The following USP54 variants were observed in gnomAD, a reference collection of about 807,000 sequenced individuals.
The protein encoded by USP54 is ubiquitin specific peptidase 54.
Under a neutral mutation model 170.5 loss-of-function variants are expected in USP54, and 87 were observed. The ratio of observed to expected loss-of-function variants is 0.51; its 90% CI spans 0.43 to 0.61. The LOEUF is 0.61. Ranked by LOEUF, USP54 falls within the 20% of genes least tolerant of loss-of-function variation. The pLI is 0.00. For missense variants in USP54, 1,786 were observed against 2,047.8 expected, an observed-to-expected ratio of 0.87 and a Z score of 2.47; for synonymous variants, 655 against 742.8, an observed-to-expected ratio of 0.88 and a Z score of 1.92.
chr10:73,563,409 A>G lies in USP54; in HGVS notation c.240+8012T>C, dbSNP rs976437643. On this transcript the variant is annotated intron_variant, in intron 4 of 23. Transcript: ENST00000687698. ...GAAAGGCCTGTTTGTAGCTTTGTCC[A>G]TTTTTCTCTTGACTCATTTATCTTT... 7.9e-5 allele frequency among the ~76,000 whole-genome samples: 12 copies of G among 151,850 alleles called. No individual in the cohort carries two copies. In the South Asian group the frequency reaches 1.7e-3, roughly 21 times the overall value.
At chr10:73,587,957 A>G (rs1405947618) in intron 1 of USP54, among the ~76,000 whole-genome samples, 1 of 152,202 alleles carries the variant, frequency 6.6e-6, no homozygotes, top group South Asian at 2.1e-4. Flanking sequence ...AAAATAATGT[A>G]CGCAGAATAC....
At chr10:73,573,754 G>C (rs1479730689) in intron 3 of USP54, among the ~76,000 whole-genome samples, 1 of 152,162 alleles carries the variant, frequency 6.6e-6, no homozygotes, top group Non-Finnish European at 1.5e-5. Flanking sequence ...GACAGAGTGA[G>C]ACTCTGTCTG....
intron 1 of USP54, among the ~76,000 whole-genome samples, chr10:73,579,450 A>T (rs1168067394): frequency 6.6e-6 from 1 of 152,186 alleles, no homozygotes. Context: ...CTCAAAACTT[A>T]ATAAGAAAAA....
At chr10:73,583,740 C>T (rs1383943802) in intron 1 of USP54, among the ~76,000 whole-genome samples, 1 of 150,986 alleles carries the variant, frequency 6.6e-6, no homozygotes, top group African/African-American at 2.4e-5. Context: ...CAAAGCAAGA[C>T]CCTGTCTTTA....
chr10:73,537,276 T>G (rs2065425536), intron 10 of USP54, among the ~76,000 whole-genome samples: 1 of 152,186 alleles, frequency 6.6e-6, no homozygotes, highest in Non-Finnish European at 1.5e-5. Context: ...ATAAAAACCC[T>G]AAATCTAAAA....
At chr10:73,523,417 T>C (rs1301666883) in intron 17 of USP54, among the ~76,000 whole-genome samples, 166 bp downstream of exon 17, 2 of 152,216 alleles carry the variant, frequency 1.3e-5, no homozygotes, top group Non-Finnish European at 2.9e-5. Context: ...CTCCAGTCAA[T>C]AGTCTTGTCA....
chr10:73,530,551 T>C (rs762775770), intron 13 of USP54, 28 bp from the exon 14 acceptor site: 43 of 1,590,146 alleles, frequency 2.7e-5, no homozygotes, highest in Admixed American at 3.6e-5. Flanking sequence ...GAAAGAAATA[T>C]AGATGTTTAA....
upstream of USP54, among the ~76,000 whole-genome samples, chr10:73,592,838 C>G (rs1350507969): frequency 6.6e-6 from 1 of 152,208 alleles, no homozygotes; most frequent in African/African-American, 2.4e-5. Context: ...AGATTGTAAT[C>G]TCTCCAGAGG....
At chr10:73,549,106 C>G (rs1223296022) in intron 4 of USP54, among the ~76,000 whole-genome samples, 1 of 152,140 alleles carries the variant, frequency 6.6e-6, no homozygotes, top group Non-Finnish European at 1.5e-5. Flanking sequence ...CCAGGGCACC[C>G]CTTCAGGTTT....
At position 73,543,077 on chromosome 10, in the gene USP54, T is replaced by C. The variant is rs543967392; in HGVS notation, c.430A>G (p.Ile144Val). ...FHIADETKED[I>V]CTAQHCISHQ... ...GAAATGCAGTGTTGGGCAGTACATA[T>C]ATCCTCTTTGGTTTCATCAGCAATG... The change falls in exon 6 of 24, where the codon ATA becomes GTA. Residue 144 changes from isoleucine to valine, a missense_variant. Coordinates refer to ENST00000687698, the MANE Select transcript of USP54 (RefSeq NM_001391956.1). The C allele has an allele frequency of 1.9e-6, 3 of 1,614,188 alleles. No individual in the cohort carries two copies. The highest frequency in any genetic ancestry group is 3.3e-5 in the Admixed American group (2 of 60,026).
intron 16 of USP54, 22 bp from the exon 17 acceptor site, chr10:73,523,772 A>G (rs1408524424): frequency 1.3e-6 from 2 of 1,593,560 alleles, no homozygotes; most frequent in Non-Finnish European, 1.7e-6. Flanking sequence ...GCAAGGGAGA[A>G]GTCACCACAT....
Position 73,524,576 on chromosome 10 carries a change from G to A in USP54, c.2195-826C>T, listed in dbSNP as rs185392359. ...GCCTGGGAGACAAGAGCAAGACTTC[G>A]TCTCAAAATAATAATAATAATAACA... On this transcript the variant is annotated intron_variant, in intron 16 of 23. Transcript: ENST00000687698. 4.6e-5 allele frequency among the ~76,000 whole-genome samples: 7 copies of A among 152,056 alleles called. No homozygotes were observed. The East Asian group carries it at 1.2e-3, about 25-fold the overall frequency.
chr10:73,534,854 G>T, intron 11 of USP54, 84 bp from the exon 12 acceptor site: 1 of 1,325,718 alleles, frequency 7.5e-7, no homozygotes, highest in Non-Finnish European at 1.0e-6. Context: ...ACACAACAAA[G>T]CTCCATAAGG....
At chr10:73,571,296 A>G in intron 4 of USP54, 125 bp downstream of exon 4, 5 of 766,878 alleles carry the variant, frequency 6.5e-6, no homozygotes, top group Non-Finnish European at 1.1e-5. Context: ...CCATTTTTGC[A>G]CTAAACCACA....
intron 1 of USP54, among the ~76,000 whole-genome samples, chr10:73,577,432 G>C (rs2076265383): frequency 6.6e-6 from 1 of 152,050 alleles, no homozygotes; most frequent in Non-Finnish European, 1.5e-5. Context: ...CCCAATTAAA[G>C]TATTTGATTA....
intron 1 of USP54, among the ~76,000 whole-genome samples, chr10:73,607,980 G>T (rs759587384): frequency 6.6e-6 from 1 of 152,118 alleles, no homozygotes; most frequent in Non-Finnish European, 1.5e-5. Context: ...ATTCAGATTT[G>T]GCCGGGCACG....
At position 73,498,431 on chromosome 10, in the gene USP54, A is replaced by C; in HGVS notation, c.*198T>G. The C allele has an allele frequency of 2.7e-6, 1 of 377,230 alleles. No homozygotes were observed. The highest frequency in any genetic ancestry group is 4.3e-5 in the Admixed American group (1 of 23,454). The allele number at this position is 377,230 out of a possible 1,614,324, so 23.4% of individuals were successfully genotyped here. ...GTTGGGACTACAGGCACGCACCGTC[A>C]CGCCTGGCTAATTTTTTGTATTTTG... On this transcript the variant is annotated 3_prime_UTR_variant, in exon 24 of 24. Coordinates refer to ENST00000687698, the MANE Select transcript of USP54 (RefSeq NM_001391956.1).
At chr10:73,568,253 T>TAC in intron 4 of USP54, among the ~76,000 whole-genome samples, 1 of 152,158 alleles carries the variant, frequency 6.6e-6, no homozygotes, top group East Asian at 1.9e-4. Flanking sequence ...AGAGACATCG[T>TAC]ACAGGAGGAC....
upstream of USP54, among the ~76,000 whole-genome samples, chr10:73,592,539 T>G (rs2132224711): frequency 6.6e-6 from 1 of 151,024 alleles, no homozygotes; most frequent in South Asian, 2.1e-4. Flanking sequence ...AACTCAGGTC[T>G]CCTAGTGGTG....
Sources: allele counts gnomAD v4.1 joint callset (sites outside exome capture counted in the v4.1 genomes callset), GRCh38; gene constraint gnomAD v4.1.1; transcripts MANE v1.5; gene names NCBI Gene and HGNC (gene_info 2026-07-23, HGNC 2026-07-21).